The following HDAC4 variants were observed in gnomAD, a reference collection of about 807,000 sequenced individuals.
The protein encoded by HDAC4 is histone deacetylase A.
In HDAC4, 16 loss-of-function variants were observed where a neutral mutation model predicts 135.1. The ratio of observed to expected loss-of-function variants is 0.12; its 90% CI spans 0.08 to 0.18. The LOEUF is 0.18. Ranked by LOEUF, HDAC4 falls within the 10% of genes least tolerant of loss-of-function variation. The probability of loss-of-function intolerance (pLI) is 1.00; values close to 1 mark genes in which losing one functional copy is unlikely to be tolerated. For missense variants in HDAC4, 1,143 were observed against 1,511.8 expected, an observed-to-expected ratio of 0.76 and a Z score of 4.05; for synonymous variants, 685 against 653.4, an observed-to-expected ratio of 1.05 and a Z score of -0.74.
Position 239,156,759 on chromosome 2 carries a change from C to A in HDAC4, c.626G>T (p.Ser209Ile), listed in dbSNP as rs2042448508. 6.2e-7 allele frequency: 1 copy of A among 1,614,054 alleles called. No individual in the cohort carries two copies. The change falls in exon 7 of 27, where the codon AGT becomes ATT. Residue 209 changes from serine (S) to isoleucine (I), a missense_variant. Around this residue, in one of 9 missense-constraint regions of HDAC4, gnomAD observed 247 missense variants for 310.0 expected, o/e 0.80. Coordinates refer to ENST00000543185, the MANE Select transcript of HDAC4 (RefSeq NM_001378414.1). ...PRYWYGKTQH[S>I]SLDQSSPPQS... ...GGGTGGAGAACTCTGGTCAAGGGAA[C>A]TGTGCTGCGTTTTCCTGGAGAGAAG...
chr2:239,080,642 T>C (rs1160442583), intron 22 of HDAC4, among the ~76,000 whole-genome samples: 1 of 152,056 alleles, frequency 6.6e-6, no homozygotes, highest in East Asian at 1.9e-4. Context: ...ACGAAGGAAA[T>C]GGGAGGGAGG....
chr2:239,104,862 AG>A, intron 15 of HDAC4, among the ~76,000 whole-genome samples: 1 of 152,396 alleles, frequency 6.6e-6, no homozygotes, highest in African/African-American at 2.4e-5. Context: ...AAGGCAAAGA[AG>A]AAAAGTAGAA....
intron 24 of HDAC4, among the ~76,000 whole-genome samples, chr2:239,061,033 G>A (rs2032616676): frequency 6.6e-6 from 1 of 152,276 alleles, no homozygotes; most frequent in Non-Finnish European, 1.5e-5. Context: ...CAGCCCGGAT[G>A]GAAAGAGGAG....
At chr2:239,305,288 A>T (rs1394315673) in intron 2 of HDAC4, among the ~76,000 whole-genome samples, 1 of 152,272 alleles carries the variant, frequency 6.6e-6, no homozygotes, top group Non-Finnish European at 1.5e-5. Context: ...CAGTCGCCTC[A>T]GGGCTGACAC....
Position 239,054,795 on chromosome 2 carries a change from G to A in HDAC4, c.3042C>T (p.Pro1014=). 1 of 1,613,496 alleles carries A rather than the reference G, an allele frequency of 6.2e-7. No homozygotes were observed. The highest frequency in any genetic ancestry group is 8.5e-7 in the Non-Finnish European group (1 of 1,179,502). Reference sequence around the variant, plus strand: ...CCATGGAACGGACAGCGTTTGCATTGGGTCTTTGCTGTAAAACCTTTTCTG... The same window carrying A: ...CCATGGAACGGACAGCGTTTGCATTAGGTCTTTGCTGTAAAACCTTTTCTG... ...PLPEKVLQQR[P]NANAVRSMEK... The change falls in exon 25 of 27, where the codon CCC becomes CCT. Residue 1014 remains proline (P), a synonymous_variant. Transcript: ENST00000543185.
At chr2:239,142,658 CCA>C in intron 8 of HDAC4, among the ~76,000 whole-genome samples, 1 of 123,868 alleles carries the variant, frequency 8.1e-6, no homozygotes, top group South Asian at 2.7e-4. Flanking sequence ...TCACGCCCTG[CCA>C]CGCATGGCTC....
At chr2:239,168,435 C>T (rs188278497) in intron 5 of HDAC4, among the ~76,000 whole-genome samples, 1,869 of 152,194 alleles carry the variant, frequency 0.012, 52 homozygotes, top group Non-Finnish European at 0.012. Flanking sequence ...AAAACTGCCA[C>T]CGTTCTGTCA....
chr2:239,175,378 C>A (rs2043695472), intron 5 of HDAC4, among the ~76,000 whole-genome samples: 1 of 152,254 alleles, frequency 6.6e-6, no homozygotes, highest in South Asian at 2.1e-4. Flanking sequence ...ACGCTGGGCA[C>A]CGTCCTCGTG....
Position 239,139,849 on chromosome 2 carries a change from G to A in HDAC4, c.866-53C>T, listed in dbSNP as rs1029932799. The A allele has an allele frequency of 1.2e-5, 18 of 1,490,516 alleles. No individual in the cohort carries two copies. Among genetic ancestry groups the A allele is most frequent in the African/African-American group, 6.9e-5 (5 of 72,514 alleles). The allele number at this position is 1,490,516 out of a possible 1,614,324, so 92.3% of individuals were successfully genotyped here. ...TGTTACTCCATGCGGAGGGAGGGCC[G>A]TGCTGACCTGTGGCCCGAATGCCCG... On this transcript the variant is annotated intron_variant, in intron 8 of 26. Coordinates refer to ENST00000543185, the MANE Select transcript of HDAC4 (RefSeq NM_001378414.1). The surrounding 1 kb of genome is among the most constrained non-coding windows in gnomAD (Gnocchi z 5.3).
chr2:239,189,556 G>T (rs1458711846), intron 4 of HDAC4, among the ~76,000 whole-genome samples: 1 of 152,212 alleles, frequency 6.6e-6, no homozygotes, highest in Non-Finnish European at 1.5e-5. Context: ...GCATGTTTCG[G>T]ATGAAATTAG....
At position 239,139,371 on chromosome 2, in the gene HDAC4, C is replaced by T. The variant is rs150970751; in HGVS notation, c.978+313G>A. Among the ~76,000 whole-genome samples the T allele has an allele frequency of 5.6e-4, 85 of 152,226 alleles. No individual in the cohort carries two copies. Among genetic ancestry groups the T allele is most frequent in the Admixed American group, 2.9e-3 (45 of 15,296 alleles). On this transcript the variant is annotated intron_variant, in intron 9 of 26. Coordinates refer to ENST00000543185, the MANE Select transcript of HDAC4 (RefSeq NM_001378414.1). This position sits in a 1 kb window ranked among gnomAD's most constrained non-coding sequence, Gnocchi z 5.3. ...CTGTCCACCTAGAGCACCTGCCATG[C>T]GTGGGCTTGTGCTGGGACACCATCT...
rs374708509 is a variant in HDAC4, at chr2:239,302,238, C to T, written c.22+50440G>A. On this transcript the variant is annotated intron_variant, in intron 2 of 26. Transcript: ENST00000543185. ...TGGCCCCTTGTGATGGACAGGCAGG[C>T]GGCGGCCAAAGCCCAGAACCCAGCA... Among the ~76,000 whole-genome samples, 9 of 152,204 alleles carry T rather than the reference C, an allele frequency of 5.9e-5. No individual in the cohort carries two copies. In the East Asian group the frequency reaches 9.6e-4, roughly 16 times the overall value.
chr2:239,276,181 A>G (rs1053276873), intron 2 of HDAC4, among the ~76,000 whole-genome samples: 3 of 152,222 alleles, frequency 2.0e-5, no homozygotes, highest in Admixed American at 2.0e-4. Context: ...AGAGAACCTG[A>G]AGATGGCAGA....
Position 239,052,303 on chromosome 2 carries a change from G to A in HDAC4, c.*794C>T, listed in dbSNP as rs1380396700. 6.6e-6 allele frequency: 1 copy of A among 152,310 alleles called. No individual in the cohort carries two copies. Among genetic ancestry groups the A allele is most frequent in the Non-Finnish European group, 1.5e-5 (1 of 68,046 alleles). The allele number at this position is 152,310 out of a possible 1,614,324, so 9.4% of individuals were successfully genotyped here. A position where few individuals can be genotyped will look rare whatever the true frequency, so the allele number is the denominator to read the frequency against. On this transcript the variant is annotated 3_prime_UTR_variant, in exon 27 of 27. Transcript: ENST00000543185. ...CCAGCTCGCGGTGCCAGCACTGCCA[G>A]GCTCGGCTGGCCACAGGAAACTGTC...
chr2:239,134,468 G>C (rs983959871), intron 10 of HDAC4, 25 bp from the exon 11 acceptor site: 1 of 1,613,624 alleles, frequency 6.2e-7, no homozygotes, highest in Non-Finnish European at 8.5e-7. Context: ...CAGGATGCTC[G>C]GGTGGAAGGA....
chr2:239,367,473 A>G (rs868117856), intron 1 of HDAC4, among the ~76,000 whole-genome samples: 3 of 152,184 alleles, frequency 2.0e-5, no homozygotes, highest in Non-Finnish European at 4.4e-5. Flanking sequence ...TTCTAATACA[A>G]TAAATACCAA....
intron 1 of HDAC4, among the ~76,000 whole-genome samples, chr2:239,377,772 T>C (rs1012926444): frequency 1.3e-5 from 2 of 152,082 alleles, no homozygotes; most frequent in African/African-American, 4.8e-5. Flanking sequence ...CCTGCCAGGA[T>C]GCAAGACGGA....
At chr2:239,372,246 A>G (rs1443370253) in intron 1 of HDAC4, among the ~76,000 whole-genome samples, 1 of 152,200 alleles carries the variant, frequency 6.6e-6, no homozygotes, top group Non-Finnish European at 1.5e-5. Flanking sequence ...TGTGATCCAG[A>G]GAAAAGGCCC....
chr2:239,181,146 A>G (rs1271266861), intron 4 of HDAC4, among the ~76,000 whole-genome samples: 1 of 152,218 alleles, frequency 6.6e-6, no homozygotes, highest in African/African-American at 2.4e-5. Context: ...CTCCTCACAG[A>G]TGAAAAGCCC....
Sources: gnomAD v4.1 joint callset for allele counts (sites outside exome capture counted in the v4.1 genomes callset) on GRCh38, gnomAD v4.1.1 for gene constraint, gnomAD v4.1.1 regional missense constraint, Gnocchi (gnomAD v3.1) non-coding constraint, MANE v1.5 for transcripts, NCBI Gene and HGNC (gene_info 2026-07-23, HGNC 2026-07-21) for gene names.